The following SNTG1 variants were observed in gnomAD, a reference collection of about 807,000 sequenced individuals.
SNTG1 encodes the protein syntrophin gamma 1, also known as gamma-1-syntrophin.
A neutral mutation model predicts 74.7 loss-of-function variants in SNTG1; 39 were observed. The ratio of observed to expected loss-of-function variants is 0.52; its 90% CI spans 0.40 to 0.68. The LOEUF (loss-of-function observed/expected upper bound fraction) is 0.68. Among genes scored for constraint, SNTG1 ranks in the 30% least tolerant of loss-of-function variants. The probability of loss-of-function intolerance (pLI) is 0.00; values close to 1 mark genes in which losing one functional copy is unlikely to be tolerated. For missense variants in SNTG1, 685 were observed against 609.5 expected (o/e 1.12, Z -1.30); for synonymous variants, 254 against 217.1 (o/e 1.17, Z -1.49).
At chr8:50,365,930 C>A (rs1231523308) in intron 2 of SNTG1, among the ~76,000 whole-genome samples, 2 of 152,090 alleles carry the variant, frequency 1.3e-5, no homozygotes, top group Non-Finnish European at 2.9e-5. Context: ...GGATTCTGGG[C>A]AGCTGACATA....
intron 1 of SNTG1, among the ~76,000 whole-genome samples, chr8:50,076,308 A>C (rs1563557583): frequency 6.6e-6 from 1 of 152,108 alleles, no homozygotes; most frequent in African/African-American, 2.4e-5. Flanking sequence ...ACAAAAAAAA[A>C]CCTGAATTCT....
intron 13 of SNTG1, among the ~76,000 whole-genome samples, chr8:50,603,650 T>C (rs977217470): frequency 7.2e-4 from 109 of 152,282 alleles, no homozygotes; most frequent in African/African-American, 2.5e-3. Context: ...AGTACCTTTC[T>C]TTCTTGGGGA....
chr8:50,658,735 C>G (rs2095199628), intron 15 of SNTG1, 72 bp downstream of exon 15: 1 of 930,016 alleles, frequency 1.1e-6, no homozygotes, highest in Admixed American at 2.4e-5. Flanking sequence ...TCATAAGCAG[C>G]TCATGAAAAC....
At chr8:49,992,192 G>T (rs778612043) in intron 1 of SNTG1, among the ~76,000 whole-genome samples, 1 of 152,090 alleles carries the variant, frequency 6.6e-6, no homozygotes, top group Non-Finnish European at 1.5e-5. Flanking sequence ...TTATTGTATT[G>T]TAATAGTTTT....
chr8:49,947,326 C>T (rs1347937701), intron 1 of SNTG1, among the ~76,000 whole-genome samples: 1 of 152,116 alleles, frequency 6.6e-6, no homozygotes, highest in Non-Finnish European at 1.5e-5. Context: ...TTTCTGTCCT[C>T]AATCCGTTTA....
intron 1 of SNTG1, among the ~76,000 whole-genome samples, chr8:50,105,122 A>T (rs975909941): frequency 6.6e-6 from 1 of 151,718 alleles, no homozygotes; most frequent in African/African-American, 2.4e-5. Flanking sequence ...CATATCCTAC[A>T]TCCATTCCTA....
At chr8:50,243,391 C>G (rs531737423) in intron 2 of SNTG1, among the ~76,000 whole-genome samples, 1 of 152,088 alleles carries the variant, frequency 6.6e-6, no homozygotes, top group Non-Finnish European at 1.5e-5. Context: ...CCCTATTTTA[C>G]TAAAATTTAT....
chr8:50,451,581 C>T (rs1014500742), intron 8 of SNTG1, among the ~76,000 whole-genome samples: 3 of 152,060 alleles, frequency 2.0e-5, no homozygotes, highest in African/African-American at 7.3e-5. Flanking sequence ...AGTTTTTCGG[C>T]AGTATTTTCT....
chr8:50,112,666 G>T (rs2080645716), intron 1 of SNTG1, among the ~76,000 whole-genome samples: 1 of 151,676 alleles, frequency 6.6e-6, no homozygotes, highest in South Asian at 2.1e-4. Context: ...GGGATTACAG[G>T]CCCCTGCCAC....
At chr8:50,629,095 G>C (rs954590744) in intron 13 of SNTG1, among the ~76,000 whole-genome samples, 1 of 151,988 alleles carries the variant, frequency 6.6e-6, no homozygotes, top group Non-Finnish European at 1.5e-5. Context: ...GTGAGATGTT[G>C]ATCAAAGGGT....
intron 1 of SNTG1, among the ~76,000 whole-genome samples, chr8:49,938,952 C>T (rs115966758): frequency 0.012 from 1,781 of 151,978 alleles, 36 homozygotes; most frequent in African/African-American, 0.04. Flanking sequence ...TGCCCTATCA[C>T]GTTTTACCAG....
chr8:50,447,827 T>G (rs1030355446), intron 5 of SNTG1, among the ~76,000 whole-genome samples: 1 of 152,164 alleles, frequency 6.6e-6, no homozygotes, highest in African/African-American at 2.4e-5. Flanking sequence ...TAAAAGGGGA[T>G]TGGGAATTTG....
rs575927920 is a variant in SNTG1, at chr8:50,662,580, C to T, written c.1038+3917C>T. Among the ~76,000 whole-genome samples the T allele has an allele frequency of 6.6e-5, 10 of 152,272 alleles. No individual in the cohort carries two copies. The South Asian group carries it at 1.5e-3, about 22-fold the overall frequency. On this transcript the variant is annotated intron_variant, in intron 15 of 18. Coordinates refer to ENST00000642720, the MANE Select transcript of SNTG1 (RefSeq NM_018967.5). ...ATCAGAGCTAAAGATATGAATCTTGCAATGTGTCAAAATTCTGTGCTCTTG... is the reference window on the plus strand; with the variant it reads ...ATCAGAGCTAAAGATATGAATCTTGTAATGTGTCAAAATTCTGTGCTCTTG...
intron 13 of SNTG1, among the ~76,000 whole-genome samples, chr8:50,593,855 T>A (rs556193789): frequency 6.6e-6 from 1 of 152,052 alleles, no homozygotes; most frequent in African/African-American, 2.4e-5. Flanking sequence ...GCAGCTGGGA[T>A]TACAGGCATG....
At chr8:50,623,310 A>G (rs148915549) in intron 13 of SNTG1, among the ~76,000 whole-genome samples, 1,641 of 152,218 alleles carry the variant, frequency 0.011, 36 homozygotes, top group African/African-American at 0.037. Context: ...TGGGGTTGTT[A>G]TACATGGCCT....
Position 50,208,680 on chromosome 8 carries a change from G to C in SNTG1, c.-28+36045G>C, listed in dbSNP as rs896943703. Among the ~76,000 whole-genome samples, 9 of 152,310 alleles carry C rather than the reference G, an allele frequency of 5.9e-5. No individual in the cohort carries two copies. In the South Asian group the frequency reaches 1.9e-3, roughly 32 times the overall value. ...CTTGATGGTCTTTACAATTTGTCAT[G>C]TTTTTGCAGTGGCTGGTACCAGTCT... is the stretch of plus-strand genomic sequence containing the variant. On this transcript the variant is annotated intron_variant, in intron 2 of 18. Transcript: ENST00000642720.
intron 17 of SNTG1, among the ~76,000 whole-genome samples, chr8:50,725,099 G>T (rs911940307): frequency 6.6e-6 from 1 of 151,964 alleles, no homozygotes; most frequent in African/African-American, 2.4e-5. Flanking sequence ...AGAATCGTTG[G>T]ATCAAAATAA....
At chr8:50,164,439 C>A (rs764417999) in intron 1 of SNTG1, 4 of 152,112 alleles carry the variant, frequency 2.6e-5, no homozygotes, top group Non-Finnish European at 5.9e-5. Flanking sequence ...TCATTTAAAG[C>A]TCTATCAGGC....
At chr8:50,617,375 A>G (rs2094891688) in intron 13 of SNTG1, among the ~76,000 whole-genome samples, 1 of 109,186 alleles carries the variant, frequency 9.2e-6, no homozygotes, top group African/African-American at 4.1e-5. Flanking sequence ...TCAAGTAAGC[A>G]TTTCACACAC....
Sources: allele counts gnomAD v4.1 joint callset (sites outside exome capture counted in the v4.1 genomes callset), GRCh38; gene constraint gnomAD v4.1.1; transcripts MANE v1.5; gene names NCBI Gene and HGNC (gene_info 2026-07-23, HGNC 2026-07-21).